The following EXOC5 variants were observed in gnomAD, a reference collection of about 807,000 sequenced individuals.
The protein encoded by EXOC5 is SEC10-like 1.
EXOC5 carries 17 observed loss-of-function variants against 90.8 expected under a neutral mutation model. That is an observed-to-expected ratio of 0.19 (90% confidence interval 0.13 to 0.28). EXOC5 has a LOEUF of 0.28. Among genes scored for constraint, EXOC5 ranks in the 10% least tolerant of loss-of-function variants. The pLI is 1.00. For synonymous variants in EXOC5, 260 were observed against 270.0 expected (o/e 0.96, Z 0.36); for missense variants, 569 against 830.6 (o/e 0.69, Z 3.87).
chr14:57,226,967 T>C (rs1022633304), intron 12 of EXOC5, among the ~76,000 whole-genome samples: 1 of 152,132 alleles, frequency 6.6e-6, no homozygotes, highest in African/African-American at 2.4e-5. Flanking sequence ...AAAAGTATTA[T>C]TAAATTGGAT....
At chr14:57,249,078 T>C (rs1884110159) in intron 1 of EXOC5, among the ~76,000 whole-genome samples, 1 of 152,142 alleles carries the variant, frequency 6.6e-6, no homozygotes, top group Non-Finnish European at 1.5e-5. Flanking sequence ...TATAATGAAA[T>C]GGTGATGACA....
In EXOC5 at chr14:57,202,064, T is replaced by C. The variant is rs1460003978; in HGVS notation, c.*6545A>G. The C allele has an allele frequency of 3.9e-5, 6 of 152,198 alleles. No homozygotes were observed. The highest frequency in any genetic ancestry group is 1.2e-4 in the African/African-American group (5 of 41,546). 9.4% of individuals were successfully genotyped at this position (152,198 alleles called of 1,614,324 possible). A position where few individuals can be genotyped will look rare whatever the true frequency, so the allele number is the denominator to read the frequency against. On this transcript the variant is annotated 3_prime_UTR_variant, in exon 18 of 18. Coordinates refer to ENST00000621441, the MANE Select transcript of EXOC5 (RefSeq NM_006544.4). ...TGGGGCAAATTGAAATTGTGTACTA[T>C]GTGATAGGATGCAACAATAACACAG... is the stretch of plus-strand genomic sequence containing the variant.
chr14:57,266,719 GTGTA>G (rs1884678930), intron 1 of EXOC5, among the ~76,000 whole-genome samples: 2 of 108,652 alleles, frequency 1.8e-5, no homozygotes, highest in Non-Finnish European at 3.5e-5. Flanking sequence ...ATATATATAT[GTGTA>G]TGTGTGTGTG....
At chr14:57,240,239 T>G (rs1883819701) in intron 4 of EXOC5, among the ~76,000 whole-genome samples, 1 of 151,194 alleles carries the variant, frequency 6.6e-6, no homozygotes, top group Admixed American at 6.6e-5. Flanking sequence ...AGACAGAGTT[T>G]CACTCTTGTG....
intron 1 of EXOC5, among the ~76,000 whole-genome samples, chr14:57,266,733 G>A (rs1411147897): frequency 2.1e-5 from 2 of 96,930 alleles, no homozygotes; most frequent in Non-Finnish European, 3.7e-5. Flanking sequence ...ATGTGTGTGT[G>A]TGTATATATA....
rs1883700904 is a variant in EXOC5, at chr14:57,237,599, C to A, written c.531-233G>T. 9.8e-6 allele frequency: 4 copies of A among 406,666 alleles called. No homozygotes were observed. The East Asian group carries it at 1.7e-4, about 18-fold the overall frequency. The allele number at this position is 406,666 out of a possible 1,614,324, so 25.2% of individuals were successfully genotyped here. On this transcript the variant is annotated intron_variant, in intron 5 of 17. Coordinates refer to ENST00000621441, the MANE Select transcript of EXOC5 (RefSeq NM_006544.4). ...ATAGGAAGCATGCCAGGTGATAAAA[C>A]TTAATGTAGGTAGGTAGCTGGTTCT...
In EXOC5 at chr14:57,204,863, ATAC is replaced by A. The variant is rs1202266132; in HGVS notation, c.*3743_*3745del. On this transcript the variant is annotated 3_prime_UTR_variant, in exon 18 of 18. Coordinates refer to ENST00000621441, the MANE Select transcript of EXOC5 (RefSeq NM_006544.4). ...CCTGTATGCCAACTTTGTAATATAA[ATAC>A]TACAATAAGAATCATATTGGAAGCA... The A allele has an allele frequency of 2.0e-5, 3 of 152,524 alleles. No homozygotes were observed. Among genetic ancestry groups the A allele is most frequent in the South Asian group, 2.1e-4 (1 of 4,834 alleles). The allele number at this position is 152,524 out of a possible 1,614,324, so 9.4% of individuals were successfully genotyped here. A position where few individuals can be genotyped will look rare whatever the true frequency, so the allele number is the denominator to read the frequency against.
chr14:57,266,893 T>C (rs1884685981), intron 1 of EXOC5, among the ~76,000 whole-genome samples: 1 of 151,656 alleles, frequency 6.6e-6, no homozygotes, highest in Admixed American at 6.6e-5. Context: ...ACTGAAATCA[T>C]GTGGTCAAAC....
intron 3 of EXOC5, among the ~76,000 whole-genome samples, chr14:57,246,040 ACT>A (rs1036741241): frequency 2.6e-5 from 4 of 151,620 alleles, no homozygotes; most frequent in African/African-American, 4.9e-5. Flanking sequence ...ACAGAGTAAA[ACT>A]CTGTCTTAAA....
chr14:57,229,510 C>T (rs1006953507), intron 12 of EXOC5, among the ~76,000 whole-genome samples: 2 of 152,052 alleles, frequency 1.3e-5, no homozygotes, highest in African/African-American at 4.8e-5. Context: ...CAGAGATTTA[C>T]GTTGCACTAG....
chr14:57,220,895 T>C (rs1883118297), intron 13 of EXOC5, among the ~76,000 whole-genome samples: 1 of 152,206 alleles, frequency 6.6e-6, no homozygotes. Flanking sequence ...TTTTCTTCAT[T>C]GCACTTTCTA....
chr14:57,213,805 C>T (rs1882895426), intron 15 of EXOC5, among the ~76,000 whole-genome samples: 1 of 151,558 alleles, frequency 6.6e-6, no homozygotes, highest in African/African-American at 2.4e-5. Context: ...CCTGTCTCCA[C>T]TAAACATACA....
At chr14:57,263,302 C>G (rs1298042929) in intron 1 of EXOC5, among the ~76,000 whole-genome samples, 1 of 152,000 alleles carries the variant, frequency 6.6e-6, no homozygotes, top group Non-Finnish European at 1.5e-5. Context: ...GAGACCCCGT[C>G]CCTACAAAAA....
At chr14:57,231,981 A>G (rs1393265795) in intron 10 of EXOC5, 1 of 311,900 alleles carries the variant, frequency 3.2e-6, no homozygotes, top group East Asian at 6.8e-5. Context: ...TAGTCCAGAA[A>G]TGGCGACAGT....
chr14:57,250,072 A>T lies in EXOC5; in HGVS notation c.28-2360T>A, dbSNP rs552660726. Among the ~76,000 whole-genome samples, 7 of 152,290 alleles carry T rather than the reference A, an allele frequency of 4.6e-5. No homozygotes were observed. In the East Asian group the frequency reaches 1.4e-3, roughly 29 times the overall value. ...CAGGCATGAGCCACCAGGCCTGGCCAGAGTGAGATTATCTTTGAAAGAAGT... is the reference window on the plus strand; with the variant it reads ...CAGGCATGAGCCACCAGGCCTGGCCTGAGTGAGATTATCTTTGAAAGAAGT... On this transcript the variant is annotated intron_variant, in intron 1 of 17. Coordinates refer to ENST00000621441, the MANE Select transcript of EXOC5 (RefSeq NM_006544.4).
At position 57,209,768 on chromosome 14, in the gene EXOC5, G is replaced by C; in HGVS notation, c.1737C>G (p.Val579=). ...LIQYTNACVK[V]CAYVRKQVEK... is the part of the protein sequence containing the mutation. ...CCACTTGTTTTCTTACGTAAGCACA[G>C]ACTTTTACACAGGCCTATAAAAGTT... Residue 579 remains valine, a synonymous_variant, in exon 17 of 18, where the codon GTC becomes GTG. Coordinates refer to ENST00000621441, the MANE Select transcript of EXOC5 (RefSeq NM_006544.4). 1 of 1,609,642 alleles carries C rather than the reference G, an allele frequency of 6.2e-7. No individual in the cohort carries two copies. Among genetic ancestry groups the C allele is most frequent in the African/African-American group, 1.3e-5 (1 of 74,966 alleles).
chr14:57,211,512 T>C (rs1405412620), intron 15 of EXOC5, among the ~76,000 whole-genome samples: 1 of 152,186 alleles, frequency 6.6e-6, no homozygotes, highest in African/African-American at 2.4e-5. Context: ...CTTTAGTTAC[T>C]GTGTTCCAAG....
intron 17 of EXOC5, 43 bp downstream of exon 17, chr14:57,209,524 T>A (rs1186053034): frequency 2.8e-6 from 3 of 1,082,094 alleles, no homozygotes; most frequent in Non-Finnish European, 4.2e-6. Flanking sequence ...TGACTTATGC[T>A]CCTGGGCCTA....
At chr14:57,251,365 C>T (rs1303125836) in intron 1 of EXOC5, among the ~76,000 whole-genome samples, 5 of 152,176 alleles carry the variant, frequency 3.3e-5, no homozygotes, top group Non-Finnish European at 5.9e-5. Flanking sequence ...GGCTGGTGGC[C>T]TTTCTTGTTG....
Sources: allele counts gnomAD v4.1 joint callset (sites outside exome capture counted in the v4.1 genomes callset), GRCh38; gene constraint gnomAD v4.1.1; transcripts MANE v1.5; gene names NCBI Gene and HGNC (gene_info 2026-07-23, HGNC 2026-07-21).